The following NOS1AP variants were observed in gnomAD, a reference collection of about 807,000 sequenced individuals.
The protein encoded by NOS1AP is carboxyl-terminal PDZ ligand of neuronal nitric oxide synthase protein.
A neutral mutation model predicts 56.2 loss-of-function variants in NOS1AP; 21 were observed. The ratio of observed to expected loss-of-function variants is 0.37; its 90% CI spans 0.26 to 0.54. NOS1AP has a LOEUF of 0.54. NOS1AP is among the 20% of genes least tolerant of loss of function. The pLI, the probability that NOS1AP is intolerant of heterozygous loss-of-function variation, is 0.84. For missense variants in NOS1AP, 522 were observed against 657.8 expected, an observed-to-expected ratio of 0.79 and a Z score of 2.26; for synonymous variants, 270 against 274.6, an observed-to-expected ratio of 0.98 and a Z score of 0.17.
chr1:162,172,200 C>T (rs1650821369), intron 2 of NOS1AP, among the ~76,000 whole-genome samples: 1 of 152,186 alleles, frequency 6.6e-6, no homozygotes. Flanking sequence ...AGAGGAGACC[C>T]AAGCACCCAC....
intron 2 of NOS1AP, among the ~76,000 whole-genome samples, chr1:162,166,738 T>C (rs578050209): frequency 1.6e-4 from 24 of 152,316 alleles, no homozygotes; most frequent in African/African-American, 5.8e-4. Flanking sequence ...ATGTCAACCC[T>C]GTTAGAAGTA....
At chr1:162,130,177 G>A (rs1363419055) in intron 1 of NOS1AP, among the ~76,000 whole-genome samples, 2 of 152,082 alleles carry the variant, frequency 1.3e-5, no homozygotes, top group Non-Finnish European at 2.9e-5. Context: ...TTCTGATAAT[G>A]GCTATAATAA....
chr1:162,098,856 T>C (rs184359320), intron 1 of NOS1AP, among the ~76,000 whole-genome samples: 1 of 152,342 alleles, frequency 6.6e-6, no homozygotes, highest in Non-Finnish European at 1.5e-5. Context: ...TTCCTTTTTA[T>C]GGCTGCATAG....
chr1:162,070,759 T>A (rs1691643222), intron 1 of NOS1AP, among the ~76,000 whole-genome samples: 1 of 152,084 alleles, frequency 6.6e-6, no homozygotes, highest in Non-Finnish European at 1.5e-5. Context: ...TTTTTTTTTT[T>A]AAACTCCAGG....
At chr1:162,168,364 G>T (rs1389673759) in intron 2 of NOS1AP, among the ~76,000 whole-genome samples, 1 of 152,202 alleles carries the variant, frequency 6.6e-6, no homozygotes, top group Admixed American at 6.5e-5. Context: ...TCCTGTTGAA[G>T]CTGGTCCACA....
chr1:162,114,543 T>C (rs1268641422), intron 1 of NOS1AP, among the ~76,000 whole-genome samples: 1 of 152,196 alleles, frequency 6.6e-6, no homozygotes, highest in Non-Finnish European at 1.5e-5. Context: ...TGATTAGTGT[T>C]TGGATAACCA....
intron 6 of NOS1AP, among the ~76,000 whole-genome samples, chr1:162,353,207 A>C (rs1266702252): frequency 6.6e-6 from 1 of 152,108 alleles, no homozygotes; most frequent in African/African-American, 2.4e-5. Flanking sequence ...TACTATATCT[A>C]GAGTGAAATT....
At chr1:162,339,404 A>ATT (rs1557884237) in intron 5 of NOS1AP, among the ~76,000 whole-genome samples, 33 of 72,302 alleles carry the variant, frequency 4.6e-4, no homozygotes, top group South Asian at 1.3e-3. Flanking sequence ...CTTTTTTTAA[A>ATT]AAAAAAAAAA....
At chr1:162,262,662 T>TGCTA (rs1654276288) in intron 2 of NOS1AP, among the ~76,000 whole-genome samples, 1 of 152,300 alleles carries the variant, frequency 6.6e-6, no homozygotes, top group South Asian at 2.1e-4. Context: ...GCAAATTATG[T>TGCTA]AGAATGACTT....
At chr1:162,175,882 C>T (rs915319511) in intron 2 of NOS1AP, among the ~76,000 whole-genome samples, 2 of 152,154 alleles carry the variant, frequency 1.3e-5, no homozygotes, top group African/African-American at 2.4e-5. Flanking sequence ...CTAGCTACCA[C>T]CACCCATTTG....
chr1:162,340,396 A>G (rs1657073807), intron 5 of NOS1AP, among the ~76,000 whole-genome samples: 1 of 152,190 alleles, frequency 6.6e-6, no homozygotes, highest in Admixed American at 6.5e-5. Context: ...ATGCTATCTG[A>G]TGCACAGCCT....
Position 162,229,125 on chromosome 1 carries a change from C to T in NOS1AP, c.178-58219C>T, listed in dbSNP as rs140096214. 4.7e-4 allele frequency among the ~76,000 whole-genome samples: 71 copies of T among 152,318 alleles called. 1 individual carries two copies. Among genetic ancestry groups the T allele is most frequent in the Non-Finnish European group, 1.5e-5 (1 of 68,030 alleles). ...TTGGAGTCTGGGGCCATGATCCTAA[C>T]AGGTGAAATAGAGCTGACTGGCTCT... On this transcript the variant is annotated intron_variant, in intron 2 of 9. Coordinates refer to ENST00000361897, the MANE Select transcript of NOS1AP (RefSeq NM_014697.3).
chr1:162,332,899 C>T lies in NOS1AP; in HGVS notation c.345-118C>T, dbSNP rs347307. The T allele has an allele frequency of 0.48, 360,568 of 754,940 alleles. 91,174 individuals are homozygous for T. The highest frequency in any genetic ancestry group is 0.56 in the Non-Finnish European group (234,313 of 421,324). The allele number at this position is 754,940 out of a possible 1,614,324, so 46.8% of individuals were successfully genotyped here. ...TTTGATCCTGAAGGAAGAAGACTTTCTGTAATAACTTGGCTCTCATGAGCT... is the reference window on the plus strand; with the variant it reads ...TTTGATCCTGAAGGAAGAAGACTTTTTGTAATAACTTGGCTCTCATGAGCT... On this transcript the variant is annotated intron_variant, in intron 4 of 9. Coordinates refer to ENST00000361897, the MANE Select transcript of NOS1AP (RefSeq NM_014697.3).
rs369423564 is a variant in NOS1AP at position 162,124,523 on chromosome 1, G to A, written c.106-29882G>A. ...TGTGTGTGTGACACACACACACACC[G>A]TATTTTCTTTTTCTTTGAGATGGAG... On this transcript the variant is annotated intron_variant, in intron 1 of 9. Transcript: ENST00000361897. Among the ~76,000 whole-genome samples, 25 of 148,242 alleles carry A rather than the reference G, an allele frequency of 1.7e-4. No individual in the cohort carries two copies. In the South Asian group the frequency reaches 3.6e-3, roughly 21 times the overall value.
intron 2 of NOS1AP, among the ~76,000 whole-genome samples, chr1:162,183,063 C>T (rs1571107380): frequency 6.6e-6 from 1 of 152,176 alleles, no homozygotes. Context: ...TGTAGCCTTA[C>T]ACAATATATT....
intron 7 of NOS1AP, 82 bp from the exon 8 acceptor site, chr1:162,356,878 C>T: frequency 6.2e-7 from 1 of 1,609,340 alleles, no homozygotes; most frequent in Non-Finnish European, 8.5e-7. Flanking sequence ...ATTTGCTCCT[C>T]CTGAGTGCAT....
intron 2 of NOS1AP, among the ~76,000 whole-genome samples, chr1:162,165,603 G>A (rs898989912): frequency 6.6e-6 from 1 of 152,138 alleles, no homozygotes; most frequent in Non-Finnish European, 1.5e-5. Flanking sequence ...AAGCTTGAAC[G>A]TGGTATGGTT....
At chr1:162,296,299 G>A (rs1655460060) in intron 3 of NOS1AP, among the ~76,000 whole-genome samples, 1 of 152,102 alleles carries the variant, frequency 6.6e-6, no homozygotes, top group South Asian at 2.1e-4. Flanking sequence ...AACAAAAAAA[G>A]CTCCAACAGT....
chr1:162,326,769 T>TC (rs1355279091), intron 4 of NOS1AP, among the ~76,000 whole-genome samples: 1 of 152,144 alleles, frequency 6.6e-6, no homozygotes, highest in Non-Finnish European at 1.5e-5. Flanking sequence ...CAGGAGGCAT[T>TC]CCCTCTTACT....
Sources: allele counts gnomAD v4.1 joint callset (sites outside exome capture counted in the v4.1 genomes callset), GRCh38; gene constraint gnomAD v4.1.1; transcripts MANE v1.5; gene names NCBI Gene and HGNC (gene_info 2026-07-23, HGNC 2026-07-21).